FMN2: variants seen among roughly 807,000 people sequenced by gnomAD.
The protein encoded by FMN2 is formin 2.
FMN2 carries 51 observed loss-of-function variants against 142.3 expected under a neutral mutation model. The ratio of observed to expected loss-of-function variants is 0.36; its 90% CI spans 0.29 to 0.45. FMN2 has a LOEUF of 0.45. Ranked by LOEUF, FMN2 falls within the 20% of genes least tolerant of loss-of-function variation. The pLI is 1.00. For synonymous variants in FMN2, 882 were observed against 869.8 expected (o/e 1.01, Z -0.25); for missense variants, 1,936 against 2,122.8 (o/e 0.91, Z 1.73).
chr1:240,146,235 A>G (rs1180845962), intron 2 of FMN2, among the ~76,000 whole-genome samples: 8 of 149,100 alleles, frequency 5.4e-5, no homozygotes. Context: ...AAAAAAAAAA[A>G]TACAAAAAAT....
chr1:240,355,139 C>G (rs1297782154), intron 13 of FMN2, among the ~76,000 whole-genome samples: 1 of 152,056 alleles, frequency 6.6e-6, no homozygotes, highest in East Asian at 1.9e-4. Flanking sequence ...TATCTGTGGA[C>G]TCTTGGGCAA....
intron 15 of FMN2, among the ~76,000 whole-genome samples, chr1:240,393,049 C>T (rs1436604093): frequency 1.3e-5 from 2 of 152,182 alleles, no homozygotes; most frequent in Non-Finnish European, 2.9e-5. Flanking sequence ...TCTCGCATCT[C>T]TCTATATACG....
intron 13 of FMN2, among the ~76,000 whole-genome samples, chr1:240,350,840 G>A (rs892690379): frequency 1.3e-5 from 2 of 152,202 alleles, no homozygotes; most frequent in African/African-American, 4.8e-5. Flanking sequence ...GTCATTAAGT[G>A]GTGAGAGTAT....
At chr1:240,216,804 C>T (rs958370606) in intron 6 of FMN2, among the ~76,000 whole-genome samples, 9 of 152,024 alleles carry the variant, frequency 5.9e-5, no homozygotes, top group Non-Finnish European at 2.9e-5. Context: ...AAAAAATTAG[C>T]CGGGAGTAGT....
intron 7 of FMN2, among the ~76,000 whole-genome samples, chr1:240,288,175 G>A (rs989396528): frequency 6.6e-6 from 1 of 152,154 alleles, no homozygotes; most frequent in Non-Finnish European, 1.5e-5. Flanking sequence ...TCTAGATAGA[G>A]AAAGGATACA....
chr1:240,154,422 C>T (rs371463392), intron 2 of FMN2, among the ~76,000 whole-genome samples: 1 of 152,066 alleles, frequency 6.6e-6, no homozygotes, highest in Non-Finnish European at 1.5e-5. Context: ...TTGTTCTTGG[C>T]GGAAAACCTG....
intron 2 of FMN2, among the ~76,000 whole-genome samples, chr1:240,136,004 A>G (rs1029019935): frequency 4.8e-4 from 72 of 150,078 alleles, no homozygotes; most frequent in African/African-American, 1.7e-3. Context: ...TAATCAATTT[A>G]TAGTAATTTG....
chr1:240,433,853 T>C (rs1158912434), intron 15 of FMN2, among the ~76,000 whole-genome samples: 1 of 152,208 alleles, frequency 6.6e-6, no homozygotes, highest in Non-Finnish European at 1.5e-5. Flanking sequence ...TTGAGTTTCG[T>C]TGGGGACGTT....
Position 240,093,199 on chromosome 1 carries a change from G to A in FMN2, c.1090G>A (p.Glu364Lys), listed in dbSNP as rs1238200582. The A allele has an allele frequency of 6.7e-7, 1 of 1,488,400 alleles. No homozygotes were observed. The highest frequency in any genetic ancestry group is 1.4e-5 in the African/African-American group (1 of 71,056). The allele number at this position is 1,488,400 out of a possible 1,614,324, so 92.2% of individuals were successfully genotyped here. ...FEDAPRGSPG[E>K]EWAPEVGEDA... ...GGATGCGCCCCGGGGCTCTCCGGGG[G>A]AGGAGTGGGCCCCGGAGGTGGGAGA... is the stretch of plus-strand genomic sequence containing the variant. Residue 364 changes from glutamate (E) to lysine (K), a missense_variant, in exon 1 of 18, where the codon GAG (glutamate) becomes AAG (lysine). Glu to Lys is a moderately conservative substitution (Grantham distance 56). Coordinates refer to ENST00000319653, the MANE Select transcript of FMN2 (RefSeq NM_020066.5).
intron 15 of FMN2, among the ~76,000 whole-genome samples, chr1:240,407,933 GTAT>G (rs1238147656): frequency 6.6e-6 from 1 of 152,130 alleles, no homozygotes; most frequent in Non-Finnish European, 1.5e-5. Context: ...CAGAGAAAGG[GTAT>G]TACTGGCACA....
chr1:240,252,636 G>C (rs962063579), intron 6 of FMN2, among the ~76,000 whole-genome samples: 1 of 143,052 alleles, frequency 7.0e-6, no homozygotes, highest in Admixed American at 7.0e-5. Context: ...TTATTCTGAC[G>C]GGGGGGGTGG....
intron 16 of FMN2, among the ~76,000 whole-genome samples, chr1:240,447,997 G>A (rs1675885131): frequency 1.3e-5 from 2 of 152,136 alleles, no homozygotes; most frequent in African/African-American, 2.4e-5. Flanking sequence ...TTCAGTGATC[G>A]TTATTCAGAG....
chr1:240,296,438 C>CTTTTTTTTTTTTTT (rs772711130), intron 8 of FMN2, among the ~76,000 whole-genome samples: 1 of 46,916 alleles, frequency 2.1e-5, no homozygotes. Context: ...TCTTTGAGTG[C>CTTTTTTTTTTTTTT]TTTTTTTTTT....
chr1:240,103,895 TG>T (rs2103181255), intron 1 of FMN2, among the ~76,000 whole-genome samples: 1 of 152,028 alleles, frequency 6.6e-6, no homozygotes, highest in Admixed American at 6.6e-5. Context: ...TATTTTTTTT[TG>T]TGACGGAGTC....
chr1:240,383,522 C>T (rs1673299245), intron 14 of FMN2, among the ~76,000 whole-genome samples: 1 of 152,094 alleles, frequency 6.6e-6, no homozygotes, highest in Admixed American at 6.5e-5. Context: ...CAGTGAAATG[C>T]AAATTAAAAT....
At chr1:240,337,946 C>T (rs1671621167) in intron 13 of FMN2, among the ~76,000 whole-genome samples, 1 of 152,196 alleles carries the variant, frequency 6.6e-6, no homozygotes, top group African/African-American at 2.4e-5. Context: ...ACCTGATCTG[C>T]TTTTGATCTC....
chr1:240,368,742 C>A (rs1489540149), intron 14 of FMN2, among the ~76,000 whole-genome samples: 1 of 152,010 alleles, frequency 6.6e-6, no homozygotes. Context: ...AATGTCATTT[C>A]ACAAAGGGGC....
chr1:240,365,030 T>G (rs1037234436), intron 14 of FMN2, among the ~76,000 whole-genome samples: 1 of 152,204 alleles, frequency 6.6e-6, no homozygotes, highest in African/African-American at 2.4e-5. Flanking sequence ...AGGACCATAA[T>G]GGAATGTAAG....
At chr1:240,136,916 C>CA (rs1369894358) in intron 2 of FMN2, among the ~76,000 whole-genome samples, 4 of 151,800 alleles carry the variant, frequency 2.6e-5, no homozygotes, top group East Asian at 3.9e-4. Flanking sequence ...ACTACAAATA[C>CA]AAAAATTAGC....
Sources: gnomAD v4.1 joint callset for allele counts (sites outside exome capture counted in the v4.1 genomes callset) on GRCh38, gnomAD v4.1.1 for gene constraint, MANE v1.5 for transcripts, NCBI Gene and HGNC (gene_info 2026-07-23, HGNC 2026-07-21) for gene names.